The following PVT1 variants were observed in gnomAD, a reference collection of about 807,000 sequenced individuals.
PVT1 encodes the protein Pvt1 oncogene.
intron 3 of PVT1, chr8:127,948,079 T>TTC (rs1444616616): frequency 2.6e-6 from 1 of 378,798 alleles, no homozygotes; most frequent in Admixed American, 3.4e-5. Flanking sequence ...TTTAGCTTTC[T>TTC]TCTGCCAGCC....
intron 2 of PVT1, among the ~76,000 whole-genome samples, chr8:127,810,357 A>G (rs1383460029): frequency 1.3e-5 from 2 of 152,230 alleles, no homozygotes; most frequent in Non-Finnish European, 2.9e-5. Flanking sequence ...AGCTTTGCAA[A>G]TGGTAAACTA....
chr8:127,844,875 G>C (rs1211966099), intron 2 of PVT1, among the ~76,000 whole-genome samples: 1 of 152,040 alleles, frequency 6.6e-6, no homozygotes, highest in Non-Finnish European at 1.5e-5. Flanking sequence ...CACCACGCCT[G>C]GTTAATTTTC....
intron 3 of PVT1, among the ~76,000 whole-genome samples, chr8:127,957,817 G>A (rs1213933168): frequency 6.6e-6 from 1 of 152,254 alleles, no homozygotes; most frequent in Non-Finnish European, 1.5e-5. Flanking sequence ...ACACACACAA[G>A]GTGCACACAG....
chr8:127,917,406 T>C (rs559910699), intron 3 of PVT1, among the ~76,000 whole-genome samples: 6 of 152,202 alleles, frequency 3.9e-5, no homozygotes, highest in African/African-American at 7.2e-5. Flanking sequence ...GCTGCTCTGG[T>C]AGCAATAAAG....
chr8:128,075,461 C>A (rs1029260320), intron 5 of PVT1, among the ~76,000 whole-genome samples: 11 of 151,676 alleles, frequency 7.3e-5, no homozygotes, highest in African/African-American at 2.2e-4. Context: ...AAAAAAAAAT[C>A]TTTTATTACG....
chr8:128,009,335 T>C (rs1817286869), intron 4 of PVT1, among the ~76,000 whole-genome samples: 1 of 152,170 alleles, frequency 6.6e-6, no homozygotes, highest in African/African-American at 2.4e-5. Context: ...AAATATTTGC[T>C]ACAAAAAAGT....
intron 4 of PVT1, among the ~76,000 whole-genome samples, chr8:128,041,824 G>A (rs1049934863): frequency 6.6e-6 from 1 of 152,146 alleles, no homozygotes; most frequent in Non-Finnish European, 1.5e-5. Flanking sequence ...ATCATGGAGA[G>A]CCATCTATCT....
intron 4 of PVT1, among the ~76,000 whole-genome samples, chr8:128,003,854 A>G (rs1817215514): frequency 1.3e-5 from 2 of 152,240 alleles, no homozygotes; most frequent in Admixed American, 1.3e-4. Context: ...GGGCTGCTAT[A>G]ACAAAATATC....
intron 3 of PVT1, among the ~76,000 whole-genome samples, chr8:127,954,723 A>G (rs564125780): frequency 2.6e-5 from 4 of 152,290 alleles, no homozygotes; most frequent in South Asian, 2.1e-4. Flanking sequence ...CATACAGTGT[A>G]GAAGAAGGAT....
At chr8:127,925,035 C>A (rs116420385) in intron 3 of PVT1, among the ~76,000 whole-genome samples, 4,563 of 152,256 alleles carry the variant, frequency 0.03, 101 homozygotes, top group East Asian at 0.058. Flanking sequence ...AAAAAGAAAT[C>A]GTTTTTATTA....
chr8:128,040,914 A>C (rs1164393498), intron 4 of PVT1, among the ~76,000 whole-genome samples: 1 of 132,280 alleles, frequency 7.6e-6, no homozygotes, highest in Non-Finnish European at 1.6e-5. Flanking sequence ...GCATGTGTGC[A>C]TATGTGTGTG....
At chr8:127,813,231 C>A (rs1814620973) in intron 2 of PVT1, among the ~76,000 whole-genome samples, 1 of 140,598 alleles carries the variant, frequency 7.1e-6, no homozygotes, top group African/African-American at 2.6e-5. Flanking sequence ...ATAATATATA[C>A]AAATATATAA....
chr8:128,077,715 C>T (rs895501218), intron 5 of PVT1, among the ~76,000 whole-genome samples: 1 of 152,208 alleles, frequency 6.6e-6, no homozygotes, highest in African/African-American at 2.4e-5. Context: ...CTGCCTTCCT[C>T]ATTTTAATAA....
At chr8:127,952,594 G>A (rs1816517890) in intron 3 of PVT1, among the ~76,000 whole-genome samples, 1 of 152,138 alleles carries the variant, frequency 6.6e-6, no homozygotes, top group Admixed American at 6.5e-5. Flanking sequence ...GGCATGTTTT[G>A]GGTACCTATT....
At position 127,954,983 on chromosome 8, in the gene PVT1, C is replaced by A. The variant is rs74776552; in HGVS notation, n.783-34179C>A. On this transcript the variant is annotated intron_variant and non_coding_transcript_variant, in intron 3 of 10. Coordinates refer to ENST00000651587, the Ensembl canonical transcript of PVT1. The stretch of plus-strand genomic sequence containing the variant: ...GTTTTGAGATTTTAGAAACGCAATA[C>A]AGTACGCATATCATACTATGTGTTA... Among the ~76,000 whole-genome samples the A allele has an allele frequency of 5.3e-3, 803 of 152,348 alleles. 12 individuals carry two copies. Among genetic ancestry groups the A allele is most frequent in the African/African-American group, 0.019 (783 of 41,580 alleles).
At chr8:128,043,218 T>C (rs1287363370) in intron 4 of PVT1, among the ~76,000 whole-genome samples, 1 of 152,194 alleles carries the variant, frequency 6.6e-6, no homozygotes, top group Non-Finnish European at 1.5e-5. Context: ...TTGAATATAA[T>C]GAAAATTTCT....
At chr8:128,061,610 A>T (rs1463263925) in intron 4 of PVT1, among the ~76,000 whole-genome samples, 1 of 152,198 alleles carries the variant, frequency 6.6e-6, no homozygotes, top group Non-Finnish European at 1.5e-5. Context: ...ACCCTGTTTT[A>T]CATTCCCACT....
chr8:127,917,026 A>G lies in PVT1; in HGVS notation n.782+26028A>G, dbSNP rs117811147. On this transcript the variant is annotated intron_variant and non_coding_transcript_variant, in intron 3 of 10. Transcript: ENST00000651587. Reference sequence around the variant, plus strand: ...ACAAGACAGTGAGTGCTAGAGTTTAAGTTTTCTCCTCTGCAAAATAAGGAG... The same window carrying G: ...ACAAGACAGTGAGTGCTAGAGTTTAGGTTTTCTCCTCTGCAAAATAAGGAG... Among the ~76,000 whole-genome samples, 70 of 152,258 alleles carry G rather than the reference A, an allele frequency of 4.6e-4. No individual in the cohort carries two copies. In the East Asian group the frequency reaches 0.013, roughly 28 times the overall value.
At chr8:128,041,156 ATGTG>A (rs780196690) in intron 4 of PVT1, among the ~76,000 whole-genome samples, 1 of 136,366 alleles carries the variant, frequency 7.3e-6, no homozygotes, top group African/African-American at 2.9e-5. Flanking sequence ...TTCTGCTTGT[ATGTG>A]TGTTTCTGCA....
Sources: gnomAD v4.1 joint callset for allele counts (sites outside exome capture counted in the v4.1 genomes callset) on GRCh38, gnomAD v4.1.1 for gene constraint, MANE v1.5 for transcripts, NCBI Gene and HGNC (gene_info 2026-07-23, HGNC 2026-07-21) for gene names.